Variants in EYA1 observed in about 807,000 individuals in gnomAD.
The protein encoded by EYA1 is EYA transcriptional coactivator and phosphatase 1, also known as protein phosphatase EYA1.
In EYA1, 16 loss-of-function variants were observed where a neutral mutation model predicts 82.0. The observed-to-expected ratio is 0.20, with a 90% CI of 0.13 to 0.30. The LOEUF (loss-of-function observed/expected upper bound fraction) is 0.30. EYA1 is among the 10% of genes least tolerant of loss of function. The pLI is 1.00. For synonymous variants in EYA1, 261 were observed against 264.4 expected (o/e 0.99, Z 0.12); for missense variants, 633 against 730.7 (o/e 0.87, Z 1.54).
At chr8:71,427,063 C>T (rs1192397430) in intron 2 of EYA1, among the ~76,000 whole-genome samples, 12 of 152,332 alleles carry the variant, frequency 7.9e-5, no homozygotes, top group African/African-American at 2.9e-4. Flanking sequence ...GAGTATGAAG[C>T]TGGTCTGCTT....
chr8:71,363,288 T>C (rs1278973310), upstream of EYA1, among the ~76,000 whole-genome samples: 4 of 152,166 alleles, frequency 2.6e-5, no homozygotes, highest in Admixed American at 2.6e-4. Flanking sequence ...AACTTTATAT[T>C]GCTAATATGT....
At chr8:71,333,775 T>C (rs879469439) in intron 4 of EYA1, among the ~76,000 whole-genome samples, 2 of 151,972 alleles carry the variant, frequency 1.3e-5, no homozygotes, top group Non-Finnish European at 2.9e-5. Flanking sequence ...CCTGGAAAAA[T>C]AATACATCTA....
chr8:71,435,069 A>C (rs895030550), intron 2 of EYA1, among the ~76,000 whole-genome samples: 3 of 152,284 alleles, frequency 2.0e-5, no homozygotes, highest in Admixed American at 1.3e-4. Flanking sequence ...TTAAGTAAGT[A>C]AGTCCATTTG....
chr8:71,481,769 T>C (rs1364651159), intron 2 of EYA1, among the ~76,000 whole-genome samples: 2 of 152,108 alleles, frequency 1.3e-5, no homozygotes, highest in Non-Finnish European at 1.5e-5. Context: ...AGTTGCTATA[T>C]GGGAAATTGA....
At chr8:71,292,130 C>CAA (rs1819069998) in intron 9 of EYA1, among the ~76,000 whole-genome samples, 2 of 151,962 alleles carry the variant, frequency 1.3e-5, no homozygotes, top group Admixed American at 6.6e-5. Flanking sequence ...TAATAATACT[C>CAA]AAAAAGTATT....
chr8:71,321,976 G>C lies in EYA1; in HGVS notation c.273-97C>G, dbSNP rs767230310. 8.0e-6 allele frequency: 12 copies of C among 1,503,492 alleles called. No homozygotes were observed. The East Asian group carries it at 2.5e-4, about 31-fold the overall frequency. The allele number at this position is 1,503,492 out of a possible 1,614,324, so 93.1% of individuals were successfully genotyped here. A position where few individuals can be genotyped will look rare whatever the true frequency, so the allele number is the denominator to read the frequency against. On this transcript the variant is annotated intron_variant, in intron 5 of 17. Transcript: ENST00000340726. The stretch of plus-strand genomic sequence containing the variant: ...ACATCACAAATTCCAGCTAAATATT[G>C]TATCTTAAAGTAAAACTTTCACACA...
At chr8:71,201,494 C>T (rs994003212) in intron 17 of EYA1, among the ~76,000 whole-genome samples, 1 of 152,088 alleles carries the variant, frequency 6.6e-6, no homozygotes, top group African/African-American at 2.4e-5. Flanking sequence ...GATTCATAGA[C>T]CTGGGTTAGA....
At chr8:71,246,717 TA>T (rs371619517) in intron 11 of EYA1, among the ~76,000 whole-genome samples, 72 of 152,170 alleles carry the variant, frequency 4.7e-4, no homozygotes, top group African/African-American at 1.7e-3. Context: ...CATAGACTAA[TA>T]AAAAAAATCT....
chr8:71,215,331 T>A, intron 16 of EYA1, 56 bp downstream of exon 16: 6 of 1,575,978 alleles, frequency 3.8e-6, no homozygotes, highest in Non-Finnish European at 5.2e-6. Flanking sequence ...GCCTTTCGTT[T>A]TTATTATCCT....
chr8:71,378,850 C>A (rs1415174235), intron 2 of EYA1, among the ~76,000 whole-genome samples: 1 of 152,056 alleles, frequency 6.6e-6, no homozygotes, highest in Non-Finnish European at 1.5e-5. Context: ...AGACTCAATC[C>A]ATTAAACTTA....
chr8:71,408,765 T>G (rs1051422724), intron 2 of EYA1, among the ~76,000 whole-genome samples: 1 of 139,082 alleles, frequency 7.2e-6, no homozygotes, highest in African/African-American at 2.8e-5. Flanking sequence ...CTCCCACACA[T>G]TAATAATGGG....
chr8:71,379,134 A>G (rs1416440040), intron 2 of EYA1, among the ~76,000 whole-genome samples: 2 of 152,094 alleles, frequency 1.3e-5, no homozygotes, highest in African/African-American at 4.8e-5. Flanking sequence ...TGGAGGCTCT[A>G]TGTGAGGATG....
chr8:71,393,444 C>A (rs559465922), intron 2 of EYA1, among the ~76,000 whole-genome samples: 53 of 152,242 alleles, frequency 3.5e-4, no homozygotes, highest in African/African-American at 1.1e-3. Flanking sequence ...ATCCCTCCCC[C>A]CTCCAACCAC....
At chr8:71,518,571 C>A (rs1459190181) in intron 2 of EYA1, among the ~76,000 whole-genome samples, 1 of 152,034 alleles carries the variant, frequency 6.6e-6, no homozygotes, top group African/African-American at 2.4e-5. Context: ...TTTGCAAAAG[C>A]AGCTAATCAA....
intron 2 of EYA1, among the ~76,000 whole-genome samples, chr8:71,408,593 C>T (rs1437719073): frequency 2.1e-5 from 2 of 94,312 alleles, no homozygotes. Context: ...ATAAAACAGA[C>T]TTTAAACCAA....
intron 17 of EYA1, chr8:71,200,198 A>C (rs1298699268): frequency 6.6e-6 from 1 of 152,020 alleles, no homozygotes; most frequent in Non-Finnish European, 1.5e-5. Context: ...CATCACCCTC[A>C]GGAGAACAAA....
chr8:71,500,081 G>T (rs1195220333), intron 2 of EYA1, among the ~76,000 whole-genome samples: 2 of 152,140 alleles, frequency 1.3e-5, no homozygotes, highest in Admixed American at 1.3e-4. Flanking sequence ...GTTTAATTGT[G>T]CTCTCCATGT....
intron 2 of EYA1, among the ~76,000 whole-genome samples, chr8:71,492,395 G>A (rs1295355955): frequency 3.9e-5 from 6 of 152,108 alleles, no homozygotes; most frequent in Non-Finnish European, 5.9e-5. Context: ...GCAGGAGAAG[G>A]TAAGAATTGT....
At chr8:71,340,713 A>G (rs1586452893) in intron 3 of EYA1, among the ~76,000 whole-genome samples, 2 of 152,088 alleles carry the variant, frequency 1.3e-5, no homozygotes, top group East Asian at 3.8e-4. Context: ...AGTCTTATGC[A>G]TTTCAATATA....
Sources: gnomAD v4.1 joint callset for allele counts (sites outside exome capture counted in the v4.1 genomes callset) on GRCh38, gnomAD v4.1.1 for gene constraint, MANE v1.5 for transcripts, NCBI Gene and HGNC (gene_info 2026-07-23, HGNC 2026-07-21) for gene names.